Variants in ADAMTS20 observed in about 807,000 individuals in gnomAD.
ADAMTS20 encodes the protein ADAM metallopeptidase with thrombospondin type 1 motif 20.
Under a neutral mutation model 260.1 loss-of-function variants are expected in ADAMTS20, and 225 were observed. That is an observed-to-expected ratio of 0.87 (90% confidence interval 0.78 to 0.97). ADAMTS20 has a LOEUF of 0.97. Ranked by LOEUF, ADAMTS20 falls within the 50% of genes least tolerant of loss-of-function variation. The pLI, the probability that ADAMTS20 is intolerant of heterozygous loss-of-function variation, is 0.00. For missense variants in ADAMTS20, 2,400 were observed against 2,337.7 expected (o/e 1.03, Z -0.55); for synonymous variants, 802 against 769.5 (o/e 1.04, Z -0.70).
At chr12:43,362,918 C>T (rs1939904676) in intron 37 of ADAMTS20, among the ~76,000 whole-genome samples, 1 of 151,876 alleles carries the variant, frequency 6.6e-6, no homozygotes, top group South Asian at 2.1e-4. Context: ...AACAGATTAT[C>T]TCCTAAAGCC....
intron 24 of ADAMTS20, among the ~76,000 whole-genome samples, chr12:43,429,052 A>G (rs1161215950): frequency 6.6e-6 from 1 of 152,134 alleles, no homozygotes; most frequent in Non-Finnish European, 1.5e-5. Context: ...ATGATTTAAA[A>G]TAATGCTTAG....
At chr12:43,445,718 G>A (rs1282758142) in intron 15 of ADAMTS20, among the ~76,000 whole-genome samples, 1 of 151,666 alleles carries the variant, frequency 6.6e-6, no homozygotes, top group African/African-American at 2.4e-5. Context: ...TGGGCATGGT[G>A]GTGAACACCT....
intron 7 of ADAMTS20, 149 bp from the exon 8 acceptor site, chr12:43,468,854 T>A (rs1215823308): frequency 2.0e-6 from 1 of 504,704 alleles, no homozygotes; most frequent in Non-Finnish European, 3.4e-6. Context: ...TTTTAAAAGG[T>A]GAAAAAGAGA....
At chr12:43,492,384 AAAAAAG>A (rs528013808) in intron 6 of ADAMTS20, 115 bp downstream of exon 6, 12,395 of 1,125,638 alleles carry the variant, frequency 0.011, 88 homozygotes, top group Admixed American at 0.015. Flanking sequence ...TGTCTCAAAA[AAAAAAG>A]AAAAAGAAAA....
rs2137355995 is a variant in ADAMTS20, at chr12:43,453,972, G to C, written c.1695C>G (p.Tyr565Ter). Residue 565 changes from tyrosine (Y) to a stop codon, truncating the protein, a stop_gained, in exon 12 of 39, where the codon TAC becomes TAG. Coordinates refer to ENST00000389420, the MANE Select transcript of ADAMTS20 (RefSeq NM_025003.5). LOFTEE classifies it high-confidence loss of function. ...VNGEWGPWEP[Y>*]SSCSRTCGGG... is the part of the protein sequence containing the mutation. Reference sequence around the variant, plus strand: ...CTCCACATGTTCTTGAACAAGAACTGTAAGGTTCCCATGGTCCCCATTCAC... The same window carrying C: ...CTCCACATGTTCTTGAACAAGAACTCTAAGGTTCCCATGGTCCCCATTCAC... 12 of 1,613,422 alleles carry C rather than the reference G, an allele frequency of 7.4e-6. No homozygotes were observed. The highest frequency in any genetic ancestry group is 9.3e-6 in the Non-Finnish European group (11 of 1,179,678).
intron 3 of ADAMTS20, 59 bp from the exon 4 acceptor site, chr12:43,502,464 C>A: frequency 1.3e-6 from 2 of 1,521,188 alleles, no homozygotes; most frequent in Admixed American, 4.8e-5. Flanking sequence ...CGAAAAATAT[C>A]GCAAAAAATA....
At chr12:43,383,376 CAT>C (rs966665533) in intron 31 of ADAMTS20, among the ~76,000 whole-genome samples, 180 bp downstream of exon 31, 2 of 152,280 alleles carry the variant, frequency 1.3e-5, no homozygotes, top group African/African-American at 4.8e-5. Context: ...GAGTTTAACA[CAT>C]ATGTCACTAT....
At position 43,385,401 on chromosome 12, in the gene ADAMTS20, C is replaced by G. The variant is rs149300615; in HGVS notation, c.4453-1424G>C. 2.2e-4 allele frequency among the ~76,000 whole-genome samples: 33 copies of G among 152,294 alleles called. No homozygotes were observed. The East Asian group carries it at 6.4e-3, about 29-fold the overall frequency. ...AATTTTCTCCCATTCTGTAAATTGA[C>G]TATTCACGCTGATGATAGTTTATTT... On this transcript the variant is annotated intron_variant, in intron 29 of 38. Transcript: ENST00000389420.
rs185094300 is a variant in ADAMTS20, at chr12:43,373,088, G to A, written c.5446+2291C>T. Among the ~76,000 whole-genome samples the A allele has an allele frequency of 5.0e-3, 758 of 152,330 alleles. 8 individuals carry two copies. The highest frequency in any genetic ancestry group is 0.013 in the Admixed American group (203 of 15,308). On this transcript the variant is annotated intron_variant, in intron 36 of 38. Coordinates refer to ENST00000389420, the MANE Select transcript of ADAMTS20 (RefSeq NM_025003.5). ...TGTTTAAAATGGTATCAGTCAGAAG[G>A]GCTGTGTATTATTTGCCACATTCAG...
chr12:43,370,378 A>G (rs898237775), intron 36 of ADAMTS20, among the ~76,000 whole-genome samples: 4 of 152,234 alleles, frequency 2.6e-5, no homozygotes, highest in African/African-American at 9.6e-5. Flanking sequence ...TGTATATATT[A>G]GTGCCTGACA....
At chr12:43,379,234 T>G (rs1940296430) in intron 31 of ADAMTS20, among the ~76,000 whole-genome samples, 1 of 152,140 alleles carries the variant, frequency 6.6e-6, no homozygotes, top group Non-Finnish European at 1.5e-5. Context: ...TGCGCTCAAT[T>G]AAAAACCATT....
chr12:43,484,947 G>A (rs550347767), intron 7 of ADAMTS20, among the ~76,000 whole-genome samples: 8 of 151,994 alleles, frequency 5.3e-5, no homozygotes, highest in South Asian at 2.1e-4. Flanking sequence ...AGGGCCAGAC[G>A]GATTCACTAC....
chr12:43,392,248 C>G (rs1467664676), intron 29 of ADAMTS20, among the ~76,000 whole-genome samples: 1 of 152,028 alleles, frequency 6.6e-6, no homozygotes, highest in Non-Finnish European at 1.5e-5. Flanking sequence ...AAACATTTTT[C>G]ACAGCTAATT....
chr12:43,482,075 T>C (rs925992688), intron 7 of ADAMTS20, among the ~76,000 whole-genome samples: 6 of 151,942 alleles, frequency 3.9e-5, no homozygotes, highest in African/African-American at 1.4e-4. Flanking sequence ...GGGGAATATA[T>C]GAGAAGGAAC....
intron 18 of ADAMTS20, 131 bp downstream of exon 18, chr12:43,439,491 A>G: frequency 9.3e-7 from 1 of 1,073,598 alleles, no homozygotes; most frequent in Admixed American, 2.7e-5. Flanking sequence ...AAGATTGAAA[A>G]CTTTTGTATG....
At chr12:43,394,302 GT>G (rs1940655756) in intron 29 of ADAMTS20, among the ~76,000 whole-genome samples, 1 of 152,050 alleles carries the variant, frequency 6.6e-6, no homozygotes, top group Non-Finnish European at 1.5e-5. Context: ...CCATTTAATT[GT>G]TTTTCTCTAG....
chr12:43,550,148 G>C (rs952496627), intron 2 of ADAMTS20, among the ~76,000 whole-genome samples: 1 of 152,024 alleles, frequency 6.6e-6, no homozygotes, highest in Admixed American at 6.6e-5. Flanking sequence ...ATGGAAAAAA[G>C]GTACATCTTT....
At chr12:43,400,991 A>T (rs1940799075) in intron 28 of ADAMTS20, among the ~76,000 whole-genome samples, 1 of 151,984 alleles carries the variant, frequency 6.6e-6, no homozygotes, top group African/African-American at 2.4e-5. Context: ...TCTAAATGAT[A>T]CACATCATCT....
intron 28 of ADAMTS20, among the ~76,000 whole-genome samples, chr12:43,420,155 A>G (rs1050764045): frequency 3.9e-5 from 6 of 152,250 alleles, no homozygotes; most frequent in African/African-American, 1.2e-4. Context: ...ATGGGTCTTC[A>G]GTATGATAAA....
Sources: allele counts gnomAD v4.1 joint callset (sites outside exome capture counted in the v4.1 genomes callset), GRCh38; gene constraint gnomAD v4.1.1; transcripts MANE v1.5; gene names NCBI Gene and HGNC (gene_info 2026-07-23, HGNC 2026-07-21).